ANKRD28: variants seen among roughly 807,000 people sequenced by gnomAD.
The protein encoded by ANKRD28 is serine/threonine-protein phosphatase 6 regulatory ankyrin repeat subunit A.
In ANKRD28, 44 loss-of-function variants were observed where a neutral mutation model predicts 126.5. That is an observed-to-expected ratio of 0.35 (90% CI 0.27 to 0.45). The LOEUF is 0.45. Ranked by LOEUF, ANKRD28 falls within the 20% of genes least tolerant of loss-of-function variation. The pLI, the probability that ANKRD28 is intolerant of heterozygous loss-of-function variation, is 1.00. For synonymous variants in ANKRD28, 442 were observed against 468.5 expected (o/e 0.94, Z 0.73); for missense variants, 1,110 against 1,316.6 (o/e 0.84, Z 2.43).
intron 10 of ANKRD28, among the ~76,000 whole-genome samples, 162 bp downstream of exon 10, chr3:15,713,365 A>AT (rs2072580074): frequency 6.6e-6 from 1 of 152,240 alleles, no homozygotes; most frequent in African/African-American, 2.4e-5. Context: ...ATTGTATTTA[A>AT]ACATTTTAAC....
chr3:15,696,909 C>T (rs1233746944), intron 14 of ANKRD28, among the ~76,000 whole-genome samples: 1 of 152,122 alleles, frequency 6.6e-6, no homozygotes, highest in African/African-American at 2.4e-5. Flanking sequence ...AGTAACACTA[C>T]CATTTGATCC....
At chr3:15,778,665 A>AG (rs1559516870) in intron 2 of ANKRD28, among the ~76,000 whole-genome samples, 1 of 152,174 alleles carries the variant, frequency 6.6e-6, no homozygotes, top group African/African-American at 2.4e-5. Flanking sequence ...ACCCAGATTT[A>AG]GAGTTCATGT....
chr3:15,697,285 G>C (rs1440220714), intron 14 of ANKRD28: 1 of 153,084 alleles, frequency 6.5e-6, no homozygotes, highest in Non-Finnish European at 1.5e-5. Flanking sequence ...GACTCAGGGG[G>C]AAGTTCCCAA....
chr3:15,847,317 T>G (rs558852917), intron 1 of ANKRD28, among the ~76,000 whole-genome samples: 1 of 152,354 alleles, frequency 6.6e-6, no homozygotes, highest in South Asian at 2.1e-4. Context: ...GGATTGCTTG[T>G]GATAGCAATC....
chr3:15,714,419 T>C (rs1177374393), intron 9 of ANKRD28, among the ~76,000 whole-genome samples, 159 bp downstream of exon 9: 2 of 151,892 alleles, frequency 1.3e-5, no homozygotes, highest in African/African-American at 2.4e-5. Context: ...TGGTATTTTA[T>C]ACTCTTTAAT....
Position 15,715,155 on chromosome 3 carries a change from T to A in ANKRD28, c.997-499A>T, listed in dbSNP as rs924112202. Among the ~76,000 whole-genome samples, 39 of 152,230 alleles carry A rather than the reference T, an allele frequency of 2.6e-4. 1 individual carries two copies. Among genetic ancestry groups the A allele is most frequent in the African/African-American group, 9.4e-4 (39 of 41,468 alleles). The stretch of plus-strand genomic sequence containing the variant: ...ATCAGACTGGCTGCACACATATATA[T>A]TTCATGTAGAAGTTCTAAAGGAGTT... On this transcript the variant is annotated intron_variant, in intron 8 of 27. Coordinates refer to ENST00000683139, the MANE Select transcript of ANKRD28 (RefSeq NM_001349278.2).
At chr3:15,679,439 A>C in intron 22 of ANKRD28, 37 bp downstream of exon 22, 1 of 1,613,520 alleles carries the variant, frequency 6.2e-7, no homozygotes, top group Non-Finnish European at 8.5e-7. Flanking sequence ...TTCTTAAAAC[A>C]CTCAAACCAA....
intron 3 of ANKRD28, among the ~76,000 whole-genome samples, chr3:15,765,223 C>T (rs954707708): frequency 2.6e-5 from 4 of 152,006 alleles, no homozygotes; most frequent in African/African-American, 4.8e-5. Flanking sequence ...TGGGACTGCA[C>T]GTAGTCTGAC....
intron 8 of ANKRD28, among the ~76,000 whole-genome samples, chr3:15,716,212 C>T (rs2073011938): frequency 6.6e-6 from 1 of 151,330 alleles, no homozygotes; most frequent in South Asian, 2.1e-4. Context: ...GAACTCAAGA[C>T]CTCAAGTAAT....
intron 3 of ANKRD28, among the ~76,000 whole-genome samples, chr3:15,764,686 G>A: frequency 6.6e-6 from 1 of 152,122 alleles, no homozygotes; most frequent in Non-Finnish European, 1.5e-5. Flanking sequence ...TGATGTTTGT[G>A]TAGAAAATTC....
intron 13 of ANKRD28, among the ~76,000 whole-genome samples, chr3:15,708,490 A>C (rs1211472103): frequency 6.6e-6 from 1 of 152,130 alleles, no homozygotes; most frequent in East Asian, 1.9e-4. Flanking sequence ...AAAAAAATAG[A>C]AGAAACATTA....
rs1189768099 is a variant in ANKRD28 at position 15,833,269 on chromosome 3, G to C, written c.27+26108C>G. Among the ~76,000 whole-genome samples the C allele has an allele frequency of 6.6e-6, 1 of 152,054 alleles. No homozygotes were observed. Among genetic ancestry groups the C allele is most frequent in the Non-Finnish European group, 1.5e-5 (1 of 68,018 alleles). On this transcript the variant is annotated intron_variant, in intron 1 of 27. Coordinates refer to the ANKRD28 transcript ENST00000399451. The surrounding 1 kb of genome is among the most constrained non-coding windows in gnomAD (Gnocchi z 4.4). ...GCTGTCAGCACAGCTGGAATATGAA[G>C]TAGGCAGAAAAACGTGAAAAGACTA... is the stretch of plus-strand genomic sequence containing the variant.
upstream of ANKRD28, among the ~76,000 whole-genome samples, chr3:15,802,685 G>T (rs1175345412): frequency 1.3e-5 from 2 of 152,176 alleles, no homozygotes; most frequent in Admixed American, 1.3e-4. Flanking sequence ...AATCAGAGGA[G>T]AGAGAAAGAG....
At position 15,796,485 on chromosome 3, in the gene ANKRD28, C is replaced by T; in HGVS notation, c.37G>A (p.Glu13Lys). 7.8e-7 allele frequency: 1 copy of T among 1,289,044 alleles called. No individual in the cohort carries two copies. The highest frequency in any genetic ancestry group is 1.0e-6 in the Non-Finnish European group (1 of 988,320). 79.9% of individuals were successfully genotyped at this position (1,289,044 alleles called of 1,614,324 possible). ...GAAATGAATGCAGGAGATTCATCTT[C>T]TACCTCCTCCAAAACAACAATACAC... ...RVCIVVLEEV[E>K]DESPAFISKL... Residue 13 changes from glutamate (E) to lysine (K), a missense_variant, in exon 1 of 28, where the codon GAA (glutamate) becomes AAA (lysine). Physicochemically the swap from Glu to Lys is moderately conservative, Grantham distance 56. Transcript: ENST00000683139.
At chr3:15,852,055 A>G (rs2061663415) in intron 1 of ANKRD28, among the ~76,000 whole-genome samples, 2 of 152,234 alleles carry the variant, frequency 1.3e-5, no homozygotes, top group Non-Finnish European at 2.9e-5. Flanking sequence ...GCTGGCAAGA[A>G]TGGAGGTTCG....
intron 1 of ANKRD28, among the ~76,000 whole-genome samples, chr3:15,835,250 C>G (rs2061296851): frequency 6.6e-6 from 1 of 152,182 alleles, no homozygotes; most frequent in Admixed American, 6.5e-5. Context: ...TCCATATACA[C>G]AAACAGTAAG....
chr3:15,772,600 A>G (rs1348643256), intron 2 of ANKRD28, among the ~76,000 whole-genome samples: 1 of 152,252 alleles, frequency 6.6e-6, no homozygotes, highest in Non-Finnish European at 1.5e-5. Context: ...AATTCAACAT[A>G]TTAGCAGACT....
At chr3:15,766,187 A>T (rs2058728685) in intron 3 of ANKRD28, 47 bp downstream of exon 3, 1 of 1,444,438 alleles carries the variant, frequency 6.9e-7, no homozygotes, top group Non-Finnish European at 9.6e-7. Flanking sequence ...CATTAAGAAT[A>T]ACAAAAATAT....
At chr3:15,754,052 T>C (rs1013935107) in intron 3 of ANKRD28, among the ~76,000 whole-genome samples, 1 of 152,222 alleles carries the variant, frequency 6.6e-6, no homozygotes, top group Non-Finnish European at 1.5e-5. Context: ...GCTTTACTTT[T>C]ATGTAGAAAA....
Sources: allele counts gnomAD v4.1 joint callset (sites outside exome capture counted in the v4.1 genomes callset), GRCh38; gene constraint gnomAD v4.1.1; non-coding constraint Gnocchi (gnomAD v3.1); transcripts MANE v1.5; gene names NCBI Gene and HGNC (gene_info 2026-07-23, HGNC 2026-07-21).